PPP2R2B: variants seen among roughly 807,000 people sequenced by gnomAD.
The protein encoded by PPP2R2B is serine/threonine-protein phosphatase 2A 55 kDa regulatory subunit B beta isoform.
Under a neutral mutation model 46.0 loss-of-function variants are expected in PPP2R2B, and 5 were observed. The observed-to-expected ratio is 0.11, with a 90% CI of 0.06 to 0.23. The LOEUF (loss-of-function observed/expected upper bound fraction) is 0.23, where lower values mean the gene tolerates loss of function less well. PPP2R2B is among the 10% of genes least tolerant of loss of function. The pLI, the probability that PPP2R2B is intolerant of heterozygous loss-of-function variation, is 1.00. For missense variants in PPP2R2B, 367 were observed against 575.0 expected, an observed-to-expected ratio of 0.64 and a Z score of 3.70; for synonymous variants, 215 against 206.7, an observed-to-expected ratio of 1.04 and a Z score of -0.34.
chr5:147,047,633 T>TC (rs931927800), intron 1 of PPP2R2B, among the ~76,000 whole-genome samples: 6 of 152,114 alleles, frequency 3.9e-5, no homozygotes, highest in African/African-American at 1.4e-4. Context: ...ATGCAAAATT[T>TC]CCCCCCCTTT....
chr5:146,876,732 T>C (rs1034393215), intron 2 of PPP2R2B, among the ~76,000 whole-genome samples: 4 of 152,206 alleles, frequency 2.6e-5, no homozygotes, highest in African/African-American at 9.6e-5. Flanking sequence ...ATGGGCATAC[T>C]GGGCTTGATG....
upstream of PPP2R2B, among the ~76,000 whole-genome samples, chr5:146,883,492 T>C (rs2151423871): frequency 6.6e-6 from 1 of 152,364 alleles, no homozygotes; most frequent in South Asian, 2.1e-4. Context: ...TGAAATTTTA[T>C]CATCTTGCAA....
At position 146,600,428 on chromosome 5, in the gene PPP2R2B, A is replaced by G. The variant is rs774151829; in HGVS notation, c.823T>C (p.Ser275Pro). Residue 275 changes from serine to proline, a missense_variant, in exon 8 of 10, where the codon TCA (serine) becomes CCA (proline). By Grantham distance (74) the Ser-to-Pro change is moderately conservative (BLOSUM62 -1). This residue lies in a region of PPP2R2B where 361 missense variants were observed against 545.5 expected (regional missense o/e 0.66). Coordinates refer to ENST00000394411, the MANE Select transcript of PPP2R2B (RefSeq NM_181675.4). ...FEEPEDPSNR[S>P]FFSEIISSIS... ...GAAGAGATAATTTCAGAGAAAAATG[A>G]TCTGTTGCTTGGATCTTCCGGCTCT... 4 of 1,613,908 alleles carry G rather than the reference A, an allele frequency of 2.5e-6. No individual in the cohort carries two copies. The highest frequency in any genetic ancestry group is 3.4e-6 in the Non-Finnish European group (4 of 1,179,904).
At position 147,018,470 on chromosome 5, in the gene PPP2R2B, A is replaced by G. The variant is rs114958557; in HGVS notation, c.79+37195T>C. ...TTAAAAGATCTCATTTTTTATATATATTTTTTAAAAACACTTTTCCTTATT... is the reference window on the plus strand; with the variant it reads ...TTAAAAGATCTCATTTTTTATATATGTTTTTTAAAAACACTTTTCCTTATT... On this transcript the variant is annotated intron_variant, in intron 1 of 8. Transcript: ENST00000336640. 5.5e-3 allele frequency among the ~76,000 whole-genome samples: 839 copies of G among 152,262 alleles called. 3 individuals carry two copies. The highest frequency in any genetic ancestry group is 8.9e-3 in the Non-Finnish European group (608 of 68,014).
At chr5:146,903,860 A>G (rs962000206) in intron 1 of PPP2R2B, among the ~76,000 whole-genome samples, 3 of 152,138 alleles carry the variant, frequency 2.0e-5, no homozygotes, top group African/African-American at 7.2e-5. Flanking sequence ...ATAATTATTG[A>G]CCTTACAGGG....
At chr5:146,963,433 C>T (rs1010141734) in intron 1 of PPP2R2B, among the ~76,000 whole-genome samples, 2 of 152,136 alleles carry the variant, frequency 1.3e-5, no homozygotes, top group African/African-American at 2.4e-5. Context: ...TGCTCTCTGC[C>T]TCACCACTCA....
At chr5:147,000,317 T>C (rs1225814135) in intron 1 of PPP2R2B, among the ~76,000 whole-genome samples, 2 of 152,108 alleles carry the variant, frequency 1.3e-5, no homozygotes, top group East Asian at 3.9e-4. Flanking sequence ...ATCACTGAAC[T>C]AAATGACCCT....
intron 2 of PPP2R2B, among the ~76,000 whole-genome samples, chr5:146,703,667 A>G (rs114474955): frequency 2.7e-4 from 41 of 152,158 alleles, no homozygotes; most frequent in African/African-American, 8.9e-4. Context: ...TTCTTCCTAG[A>G]CTCTGAAAAT....
chr5:146,931,059 AT>A (rs905510415), intron 1 of PPP2R2B, among the ~76,000 whole-genome samples: 36 of 149,544 alleles, frequency 2.4e-4, no homozygotes, highest in East Asian at 1.2e-3. Context: ...GCCAAAGATA[AT>A]TTTTTTTTTA....
At chr5:146,811,897 A>G (rs560518381) in intron 2 of PPP2R2B, among the ~76,000 whole-genome samples, 3 of 151,942 alleles carry the variant, frequency 2.0e-5, no homozygotes, top group South Asian at 4.2e-4. Context: ...TGTCACTATC[A>G]CACTAAAGCC....
chr5:146,738,395 CAAAAA>C (rs58520511), intron 2 of PPP2R2B, among the ~76,000 whole-genome samples: 29 of 85,824 alleles, frequency 3.4e-4, no homozygotes, highest in East Asian at 1.1e-3. Context: ...GACTCAGTCT[CAAAAA>C]AAAAAAAAAA....
At chr5:146,966,006 A>G (rs1752386102) in intron 1 of PPP2R2B, among the ~76,000 whole-genome samples, 2 of 152,216 alleles carry the variant, frequency 1.3e-5, no homozygotes, top group African/African-American at 4.8e-5. Flanking sequence ...CAGGCATACA[A>G]TATGTGGTCG....
intron 2 of PPP2R2B, among the ~76,000 whole-genome samples, chr5:146,814,031 T>C (rs750658228): frequency 9.9e-5 from 15 of 152,150 alleles, no homozygotes; most frequent in Non-Finnish European, 2.1e-4. Flanking sequence ...AGGCAGTGGA[T>C]TGTGGCAGTT....
At chr5:146,955,881 C>G (rs1751876494) in intron 1 of PPP2R2B, among the ~76,000 whole-genome samples, 1 of 149,224 alleles carries the variant, frequency 6.7e-6, no homozygotes, top group Admixed American at 6.8e-5. Flanking sequence ...TGGGTTCAAG[C>G]AATTCTCCTG....
chr5:146,640,738 C>CA (rs1256535353), intron 6 of PPP2R2B, among the ~76,000 whole-genome samples: 5 of 152,136 alleles, frequency 3.3e-5, no homozygotes, highest in African/African-American at 1.2e-4. Flanking sequence ...TATTTTTTCC[C>CA]ACCTAAAAAT....
chr5:146,964,191 C>G (rs938484570), intron 1 of PPP2R2B, among the ~76,000 whole-genome samples: 31 of 152,276 alleles, frequency 2.0e-4, no homozygotes, highest in Non-Finnish European at 2.9e-5. Flanking sequence ...CGTCAGAAAA[C>G]TGAGAAAACA....
chr5:146,881,371 G>A (rs919915469), upstream of PPP2R2B, among the ~76,000 whole-genome samples: 6 of 151,502 alleles, frequency 4.0e-5, no homozygotes, highest in South Asian at 8.4e-4. Context: ...ATTATTGTTG[G>A]CCATTTTCAC....
At chr5:146,917,938 A>G (rs1763452862) in intron 1 of PPP2R2B, 1 of 152,230 alleles carries the variant, frequency 6.6e-6, no homozygotes, top group Admixed American at 6.5e-5. Context: ...CATCTCAAAT[A>G]CAGATGGATA....
At chr5:146,639,579 C>T (rs529863315) in intron 6 of PPP2R2B, among the ~76,000 whole-genome samples, 4 of 152,278 alleles carry the variant, frequency 2.6e-5, no homozygotes, top group African/African-American at 7.2e-5. Flanking sequence ...GACCCAGCAA[C>T]ATCCTGCAAA....
Sources: allele counts gnomAD v4.1 joint callset (sites outside exome capture counted in the v4.1 genomes callset), GRCh38; gene constraint gnomAD v4.1.1; regional missense constraint gnomAD v4.1.1; transcripts MANE v1.5; gene names NCBI Gene and HGNC (gene_info 2026-07-23, HGNC 2026-07-21).